The following PACS1 variants were observed in gnomAD, a reference collection of about 807,000 sequenced individuals.
The protein encoded by PACS1 is PACS-1.
A neutral mutation model predicts 115.0 loss-of-function variants in PACS1; 24 were observed. The observed-to-expected ratio is 0.21, with a 90% CI of 0.15 to 0.29. The LOEUF is 0.29. Ranked by LOEUF, PACS1 falls within the 10% of genes least tolerant of loss-of-function variation. The pLI is 1.00. For missense variants in PACS1, 838 were observed against 1,251.2 expected, an observed-to-expected ratio of 0.67 and a Z score of 4.98; for synonymous variants, 453 against 504.5, an observed-to-expected ratio of 0.90 and a Z score of 1.37.
At chr11:66,179,588 A>C (rs904952404) in intron 1 of PACS1, among the ~76,000 whole-genome samples, 1 of 152,088 alleles carries the variant, frequency 6.6e-6, no homozygotes, top group African/African-American at 2.4e-5. Flanking sequence ...TACCCATTCT[A>C]ATCAGAGGAA....
At chr11:66,167,497 C>T (rs1385221499) in intron 1 of PACS1, among the ~76,000 whole-genome samples, 1 of 149,582 alleles carries the variant, frequency 6.7e-6, no homozygotes, top group Non-Finnish European at 1.5e-5. Flanking sequence ...ACCACAGCTG[C>T]CTTTGGCTTG....
intron 1 of PACS1, among the ~76,000 whole-genome samples, chr11:66,075,895 G>A (rs183910141): frequency 2.2e-4 from 33 of 151,978 alleles, no homozygotes; most frequent in South Asian, 2.1e-4. Context: ...CCGCCACCAC[G>A]CCCAGCTAAT....
intron 1 of PACS1, among the ~76,000 whole-genome samples, chr11:66,181,541 A>G (rs1348708327): frequency 6.6e-6 from 1 of 152,112 alleles, no homozygotes; most frequent in Non-Finnish European, 1.5e-5. Flanking sequence ...TTAGTAGTGT[A>G]TGTTGAATTT....
chr11:66,130,707 CTCTG>C (rs1437836173), intron 1 of PACS1, among the ~76,000 whole-genome samples: 6 of 152,036 alleles, frequency 3.9e-5, no homozygotes, highest in African/African-American at 1.5e-4. Flanking sequence ...ATTTTTATTG[CTCTG>C]TCTACTGCGT....
chr11:66,216,081 TGTAGTAACACGCCTCC>T, intron 4 of PACS1, 22 bp from the exon 5 acceptor site: 1 of 1,609,896 alleles, frequency 6.2e-7, no homozygotes, highest in Non-Finnish European at 8.5e-7. Context: ...CAGGTGCCTC[TGTAGTAACACGCCTCC>T]ACCACCTCCC....
chr11:66,217,025 C>A (rs2134712055), intron 7 of PACS1: 1 of 501,444 alleles, frequency 2.0e-6, no homozygotes, highest in East Asian at 3.8e-5. Context: ...GAGAACCCTT[C>A]TTGTAGAATT....
chr11:66,091,829 T>C (rs1172755145), intron 1 of PACS1, among the ~76,000 whole-genome samples: 1 of 152,042 alleles, frequency 6.6e-6, no homozygotes, highest in African/African-American at 2.4e-5. Flanking sequence ...ATTTCATCCA[T>C]GTCCCTACAA....
In PACS1 at chr11:66,188,641, A is replaced by C. The variant is rs913419389; in HGVS notation, c.357-4845A>C. Among the ~76,000 whole-genome samples the C allele has an allele frequency of 2.6e-5, 4 of 152,296 alleles. No homozygotes were observed. The East Asian group carries it at 7.7e-4, about 29-fold the overall frequency. On this transcript the variant is annotated intron_variant, in intron 1 of 23. Coordinates refer to ENST00000320580, the MANE Select transcript of PACS1 (RefSeq NM_018026.4). ...GCCTTGTATCCTACATTTTCACTGC[A>C]TGAGAAGCGCCCACCAGTGAAACAC... is the stretch of plus-strand genomic sequence containing the variant.
chr11:66,108,396 A>G (rs959545904), intron 1 of PACS1, among the ~76,000 whole-genome samples: 7 of 152,076 alleles, frequency 4.6e-5, no homozygotes, highest in Non-Finnish European at 8.8e-5. Flanking sequence ...CACTATCTCC[A>G]AATGCAGTCA....
intron 1 of PACS1, among the ~76,000 whole-genome samples, chr11:66,083,559 A>G (rs1052276593): frequency 5.3e-5 from 8 of 152,176 alleles, no homozygotes; most frequent in Non-Finnish European, 1.0e-4. Context: ...TTGGTTTTGT[A>G]TGCTTTGGAC....
rs1479613750 is a variant in PACS1 at position 66,244,291 on chromosome 11, C to T, written c.*1011C>T. On this transcript the variant is annotated 3_prime_UTR_variant, in exon 24 of 24. Transcript: ENST00000320580. ...GTCAGTTTTTCTGCCTTTCCCTGCT[C>T]TGTTCTTCCCCCTCCTTAGGCCCCA... 6.6e-6 allele frequency: 1 copy of T among 152,504 alleles called. No homozygotes were observed. The highest frequency in any genetic ancestry group is 2.4e-5 in the African/African-American group (1 of 41,446). 9.4% of individuals were successfully genotyped at this position (152,504 alleles called of 1,614,324 possible).
At chr11:66,184,135 T>C (rs1017841051) in intron 1 of PACS1, among the ~76,000 whole-genome samples, 1 of 151,908 alleles carries the variant, frequency 6.6e-6, no homozygotes, top group Admixed American at 6.6e-5. Context: ...ACCACTTTGC[T>C]GTTTATTGAT....
At chr11:66,188,760 C>T (rs1255282432) in intron 1 of PACS1, among the ~76,000 whole-genome samples, 1 of 152,184 alleles carries the variant, frequency 6.6e-6, no homozygotes, top group African/African-American at 2.4e-5. Flanking sequence ...ACACAGTCAG[C>T]ATGAGTCATC....
At chr11:66,223,818 C>T (rs1268725905) in intron 10 of PACS1, among the ~76,000 whole-genome samples, 1 of 152,162 alleles carries the variant, frequency 6.6e-6, no homozygotes. Flanking sequence ...ACTTATAAAA[C>T]TTACAGAAAA....
intron 7 of PACS1, chr11:66,217,361 A>T (rs1397749689): frequency 3.0e-6 from 1 of 336,114 alleles, no homozygotes; most frequent in Admixed American, 4.1e-5. Flanking sequence ...TCCTGAACTA[A>T]GAAGCTAAAA....
intron 1 of PACS1, among the ~76,000 whole-genome samples, chr11:66,165,495 C>A (rs1175025599): frequency 6.6e-6 from 1 of 152,140 alleles, no homozygotes; most frequent in Non-Finnish European, 1.5e-5. Context: ...CCGTTGAGAT[C>A]AAAACTCATA....
At chr11:66,133,403 G>A (rs1013748389) in intron 1 of PACS1, among the ~76,000 whole-genome samples, 1 of 152,178 alleles carries the variant, frequency 6.6e-6, no homozygotes, top group Admixed American at 6.5e-5. Flanking sequence ...GCTGCTGGAG[G>A]CATCACTGTG....
intron 1 of PACS1, among the ~76,000 whole-genome samples, chr11:66,191,689 G>A (rs188379176): frequency 6.6e-6 from 1 of 152,192 alleles, no homozygotes; most frequent in African/African-American, 2.4e-5. Flanking sequence ...CAAAGAAAGA[G>A]ATTTATTTGT....
Position 66,243,102 on chromosome 11 carries a change from C to T in PACS1, c.2777-63C>T, listed in dbSNP as rs185892019. The T allele has an allele frequency of 2.6e-4, 415 of 1,611,926 alleles. No individual in the cohort carries two copies. The African/African-American group carries it at 5.0e-3, about 19-fold the overall frequency. On this transcript the variant is annotated intron_variant, in intron 23 of 23. Coordinates refer to ENST00000320580, the MANE Select transcript of PACS1 (RefSeq NM_018026.4). ...AGAGGGAGGCAGGCAATGGCCTTTC[C>T]CAAGGGGCCCTGGGGAGATGGCCTG...
Sources: allele counts gnomAD v4.1 joint callset (sites outside exome capture counted in the v4.1 genomes callset), GRCh38; gene constraint gnomAD v4.1.1; transcripts MANE v1.5; gene names NCBI Gene and HGNC (gene_info 2026-07-23, HGNC 2026-07-21).